Variants in MSH4 observed in about 807,000 individuals in gnomAD.
The protein encoded by MSH4 is mutS homolog 4, also known as mutS protein homolog 4.
In MSH4, 106 loss-of-function variants were observed where a neutral mutation model predicts 113.7. The observed-to-expected ratio is 0.93, with a 90% CI of 0.80 to 1.10. MSH4 has a LOEUF of 1.10. Ranked by LOEUF, MSH4 falls within the 50% of genes least tolerant of loss-of-function variation. The pLI is 0.00. For synonymous variants in MSH4, 368 were observed against 380.2 expected (o/e 0.97, Z 0.37); for missense variants, 1,061 against 1,093.7 (o/e 0.97, Z 0.42).
intron 7 of MSH4, among the ~76,000 whole-genome samples, chr1:75,827,292 G>A (rs542841169): frequency 1.9e-3 from 288 of 152,278 alleles, no homozygotes; most frequent in Non-Finnish European, 3.3e-3. Context: ...AATGCTGAGG[G>A]ATTTTGTCAC....
chr1:75,892,938 C>T (rs137999478), intron 17 of MSH4, among the ~76,000 whole-genome samples: 4 of 152,264 alleles, frequency 2.6e-5, no homozygotes, highest in South Asian at 2.1e-4. Flanking sequence ...AACTTCTACT[C>T]GAAATTGAGC....
intron 7 of MSH4, among the ~76,000 whole-genome samples, chr1:75,832,172 A>G (rs71656856): frequency 0.25 from 38,329 of 152,172 alleles, 6,239 homozygotes; most frequent in East Asian, 0.68. Context: ...ATGCAAATAA[A>G]CTAGAAAATC....
intron 7 of MSH4, among the ~76,000 whole-genome samples, chr1:75,836,278 C>A (rs1451157673): frequency 3.5e-5 from 5 of 143,244 alleles, no homozygotes; most frequent in Non-Finnish European, 6.0e-5. Context: ...GAAGCAGATT[C>A]TTTTTCTCTT....
intron 8 of MSH4, among the ~76,000 whole-genome samples, chr1:75,865,409 T>G (rs1651541248): frequency 1.3e-5 from 2 of 152,188 alleles, no homozygotes. Context: ...TTTATGAAGA[T>G]GATTGAATGA....
intron 1 of MSH4, among the ~76,000 whole-genome samples, chr1:75,802,595 T>C (rs1014602934): frequency 4.6e-5 from 7 of 152,216 alleles, no homozygotes; most frequent in African/African-American, 1.7e-4. Context: ...CATCAGTAGA[T>C]AAGTACCTAA....
At chr1:75,824,814 A>G (rs535872261) in intron 7 of MSH4, among the ~76,000 whole-genome samples, 3 of 150,752 alleles carry the variant, frequency 2.0e-5, no homozygotes, top group African/African-American at 4.9e-5. Context: ...CCATTGGTCT[A>G]TATATCTGTT....
At chr1:75,845,932 G>T (rs1651065590) in intron 7 of MSH4, among the ~76,000 whole-genome samples, 1 of 152,154 alleles carries the variant, frequency 6.6e-6, no homozygotes, top group Non-Finnish European at 1.5e-5. Context: ...AGCCACCATG[G>T]CTTCATACCT....
intron 8 of MSH4, 92 bp downstream of exon 8, chr1:75,848,368 T>G: frequency 9.9e-7 from 1 of 1,010,546 alleles, no homozygotes; most frequent in Non-Finnish European, 1.5e-6. Flanking sequence ...AATATCAAAA[T>G]GTTTTGGGAA....
At position 75,889,321 on chromosome 1, in the gene MSH4, TG is replaced by T. The variant is rs2100581757; in HGVS notation, c.2179del (p.Asp727MetfsTer11). The T allele has an allele frequency of 6.5e-7, 1 of 1,537,316 alleles. No homozygotes were observed. Among genetic ancestry groups the T allele is most frequent in the East Asian group, 2.4e-5 (1 of 42,468 alleles). ...AGATTTTTACAAGAATTAGTACTGA[TG>T]ATGATATCGAAACAAATTCATCAAC... ...KQIFTRISTDDDIETNSSTFM... is the reference protein window; with the variant it reads ...KQIFTRISTDXDIETNSSTFM... On this transcript the variant is annotated frameshift_variant, in exon 16 of 20. Transcript: ENST00000263187. LOFTEE classifies it high-confidence loss of function.
At chr1:75,904,834 G>A (rs958605725) in intron 19 of MSH4, among the ~76,000 whole-genome samples, 3 of 151,988 alleles carry the variant, frequency 2.0e-5, no homozygotes, top group African/African-American at 7.2e-5. Context: ...TAAGTTGTAT[G>A]TCTCCAGAAA....
At chr1:75,896,391 A>C (rs1652384586) in intron 17 of MSH4, among the ~76,000 whole-genome samples, 1 of 102,124 alleles carries the variant, frequency 9.8e-6, no homozygotes, top group African/African-American at 3.7e-5. Context: ...ACACACACAC[A>C]CACCCTATTG....
In MSH4 at chr1:75,867,538, AC is replaced by A; in HGVS notation, c.1256del (p.Thr419LysfsTer3). On this transcript the variant is annotated frameshift_variant, in exon 9 of 20. Coordinates refer to ENST00000263187, the MANE Select transcript of MSH4 (RefSeq NM_002440.4). LOFTEE classifies it high-confidence loss of function. ...DTVNAAESKITNLIYLKHTLE... is the reference protein window; with the variant it reads ...DTVNAAESKIXNLIYLKHTLE... ...GGTCAATGCTGCTGAATCAAAGATAACAAATTTAATATACTTAAAACATACC... is the reference window on the plus strand; with the variant it reads ...GGTCAATGCTGCTGAATCAAAGATAAAAATTTAATATACTTAAAACATACC... 1 of 1,598,238 alleles carries A rather than the reference AC, an allele frequency of 6.3e-7. No individual in the cohort carries two copies. The highest frequency in any genetic ancestry group is 1.1e-5 in the South Asian group (1 of 88,768).
At chr1:75,881,477 A>G in intron 14 of MSH4, 107 bp downstream of exon 14, 1 of 1,178,406 alleles carries the variant, frequency 8.5e-7, no homozygotes, top group Non-Finnish European at 1.2e-6. Context: ...CTTGAAATAG[A>G]GTCTCTTGCC....
At chr1:75,841,444 C>G (rs1202945187) in intron 7 of MSH4, among the ~76,000 whole-genome samples, 16 of 152,062 alleles carry the variant, frequency 1.1e-4, no homozygotes, top group Admixed American at 1.1e-3. Context: ...GCAATCCTCT[C>G]ATCTCAACCT....
In MSH4 at chr1:75,816,422, A is replaced by T; in HGVS notation, c.865A>T (p.Ile289Phe). 6.2e-7 allele frequency: 1 copy of T among 1,608,738 alleles called. No individual in the cohort carries two copies. Among genetic ancestry groups the T allele is most frequent in the Non-Finnish European group, 8.5e-7 (1 of 1,176,698 alleles). ...AGCTTTGTTAAAATATGTTGAATTT[A>T]TTCAAAATTCAGTTTATGCACCAAA... ...VAALLKYVEFIQNSVYAPKSL... is the reference protein window; with the variant it reads ...VAALLKYVEFFQNSVYAPKSL... Residue 289 changes from isoleucine to phenylalanine, a missense_variant, in exon 6 of 20, where the codon ATT becomes TTT. Coordinates refer to ENST00000263187, the MANE Select transcript of MSH4 (RefSeq NM_002440.4).
At chr1:75,909,878 T>C (rs1033317131) in intron 19 of MSH4, among the ~76,000 whole-genome samples, 3 of 152,106 alleles carry the variant, frequency 2.0e-5, no homozygotes, top group Non-Finnish European at 4.4e-5. Flanking sequence ...TTTGAATATT[T>C]CTGTTTTTCT....
rs535867369 is a variant in MSH4 at position 75,840,080 on chromosome 1, A to T, written c.1163-8129A>T. Among the ~76,000 whole-genome samples, 302 of 152,220 alleles carry T rather than the reference A, an allele frequency of 2.0e-3. 3 individuals carry two copies. The highest frequency in any genetic ancestry group is 2.1e-3 in the Non-Finnish European group (146 of 68,024). On this transcript the variant is annotated intron_variant, in intron 7 of 19. Transcript: ENST00000263187. ...TTTTACACTGTTGGTGGGACTGTAA[A>T]CTAGTTCAACCCTTGCAGAAGTCAA...
chr1:75,802,165 A>G (rs1211928131), intron 1 of MSH4, among the ~76,000 whole-genome samples: 1 of 152,164 alleles, frequency 6.6e-6, no homozygotes, highest in Non-Finnish European at 1.5e-5. Flanking sequence ...CGAGAGTCTC[A>G]CATACAGACA....
intron 1 of MSH4, 29 bp downstream of exon 1, chr1:75,797,258 C>T: frequency 6.3e-7 from 1 of 1,583,256 alleles, no homozygotes; most frequent in East Asian, 2.3e-5. Context: ...GAGGAGTCTC[C>T]TTGAGGCTAG....
Sources: gnomAD v4.1 joint callset for allele counts (sites outside exome capture counted in the v4.1 genomes callset) on GRCh38, gnomAD v4.1.1 for gene constraint, MANE v1.5 for transcripts, NCBI Gene and HGNC (gene_info 2026-07-23, HGNC 2026-07-21) for gene names.